Variants in EPHA6 observed in about 807,000 individuals in gnomAD.
EPHA6 encodes ephrin type-A receptor 6.
In EPHA6, 50 loss-of-function variants were observed where a neutral mutation model predicts 112.0. That is an observed-to-expected ratio of 0.45 (90% confidence interval 0.36 to 0.56). EPHA6 has a LOEUF of 0.56. Among genes scored for constraint, EPHA6 ranks in the 20% least tolerant of loss-of-function variants. The pLI is 0.00. For missense variants in EPHA6, 1,280 were observed against 1,417.4 expected (o/e 0.90, Z 1.56); for synonymous variants, 529 against 490.7 (o/e 1.08, Z -1.03).
intron 13 of EPHA6, among the ~76,000 whole-genome samples, chr3:97,621,691 A>G (rs1022703297): frequency 6.6e-6 from 1 of 151,876 alleles, no homozygotes; most frequent in Non-Finnish European, 1.5e-5. Flanking sequence ...GGAAGGAGAG[A>G]AAAACATGAA....
intron 1 of EPHA6, among the ~76,000 whole-genome samples, chr3:96,828,233 C>A (rs1350552054): frequency 2.6e-5 from 4 of 152,088 alleles, no homozygotes; most frequent in Non-Finnish European, 5.9e-5. Flanking sequence ...TCCTTTTAGG[C>A]TGTTCAGAAC....
intron 1 of EPHA6, among the ~76,000 whole-genome samples, chr3:96,852,000 A>G (rs2035418946): frequency 6.6e-6 from 1 of 151,652 alleles, no homozygotes; most frequent in South Asian, 2.1e-4. Flanking sequence ...AATACAGTAC[A>G]TATTTGCAAA....
intron 5 of EPHA6, among the ~76,000 whole-genome samples, chr3:97,320,444 C>G (rs2108780345): frequency 6.6e-6 from 1 of 151,786 alleles, no homozygotes; most frequent in South Asian, 2.1e-4. Context: ...AACCTCATGG[C>G]AAATCTTTTC....
At chr3:97,230,321 G>A (rs2078488280) in intron 4 of EPHA6, among the ~76,000 whole-genome samples, 1 of 151,910 alleles carries the variant, frequency 6.6e-6, no homozygotes, top group Admixed American at 6.6e-5. Context: ...AATAAATATG[G>A]GCTACAACAA....
chr3:96,944,687 C>A (rs1381676190), intron 2 of EPHA6, among the ~76,000 whole-genome samples: 1 of 152,144 alleles, frequency 6.6e-6, no homozygotes, highest in Non-Finnish European at 1.5e-5. Context: ...TATTACCTAT[C>A]TTTCTAGGTT....
intron 15 of EPHA6, among the ~76,000 whole-genome samples, chr3:97,728,768 G>A (rs2034896834): frequency 6.6e-6 from 1 of 152,162 alleles, no homozygotes. Context: ...CTTCAGTGCG[G>A]TTTCAGGCAA....
At chr3:97,608,706 GGAA>G (rs2093697152) in intron 12 of EPHA6, among the ~76,000 whole-genome samples, 1 of 151,152 alleles carries the variant, frequency 6.6e-6, no homozygotes, top group African/African-American at 2.4e-5. Flanking sequence ...CAAAAGTAAA[GGAA>G]GAAGGAGACA....
chr3:97,465,457 G>T (rs1436835697), intron 7 of EPHA6, among the ~76,000 whole-genome samples: 1 of 151,990 alleles, frequency 6.6e-6, no homozygotes, highest in Non-Finnish European at 1.5e-5. Flanking sequence ...AATTGATGGA[G>T]CCATAGTTTT....
At position 97,070,068 on chromosome 3, in the gene EPHA6, G is replaced by A. The variant is rs113135725; in HGVS notation, c.1114+82075G>A. Among the ~76,000 whole-genome samples, 1,254 of 152,114 alleles carry A rather than the reference G, an allele frequency of 8.2e-3. 13 individuals carry two copies. The highest frequency in any genetic ancestry group is 0.013 in the Non-Finnish European group (854 of 67,966). On this transcript the variant is annotated intron_variant, in intron 3 of 17. Coordinates refer to ENST00000389672, the MANE Select transcript of EPHA6 (RefSeq NM_001080448.3). ...TTGTCATTCTTATCTCAGAGCACATGTCAGGAAAAGCTTCCTCGATGCTCT... is the reference window on the plus strand; with the variant it reads ...TTGTCATTCTTATCTCAGAGCACATATCAGGAAAAGCTTCCTCGATGCTCT...
intron 13 of EPHA6, among the ~76,000 whole-genome samples, chr3:97,624,344 G>A (rs1026900475): frequency 1.3e-5 from 2 of 151,542 alleles, no homozygotes; most frequent in African/African-American, 4.8e-5. Context: ...GTGTTACATT[G>A]ACTGACTTTC....
At chr3:97,662,847 C>A (rs1009516244) in intron 14 of EPHA6, among the ~76,000 whole-genome samples, 1 of 152,160 alleles carries the variant, frequency 6.6e-6, no homozygotes, top group African/African-American at 2.4e-5. Context: ...TTTCATATCT[C>A]TTTACCATTT....
At chr3:97,103,354 G>A (rs993262175) in intron 3 of EPHA6, among the ~76,000 whole-genome samples, 1 of 151,816 alleles carries the variant, frequency 6.6e-6, no homozygotes, top group Non-Finnish European at 1.5e-5. Context: ...GCAATCTTAT[G>A]CCTATGGCTA....
At position 97,060,654 on chromosome 3, in the gene EPHA6, G is replaced by A. The variant is rs557888608; in HGVS notation, c.1114+72661G>A. Among the ~76,000 whole-genome samples, 79 of 152,190 alleles carry A rather than the reference G, an allele frequency of 5.2e-4. 1 individual carries two copies. The highest frequency in any genetic ancestry group is 1.9e-3 in the African/African-American group (78 of 41,526). On this transcript the variant is annotated intron_variant, in intron 3 of 17. Coordinates refer to ENST00000389672, the MANE Select transcript of EPHA6 (RefSeq NM_001080448.3). Reference sequence around the variant, plus strand: ...CGGCCGGGCGCGGTGGCTCACGCCTGTAATCCCAGCACTTTGGGAGGCCGA... The same window carrying A: ...CGGCCGGGCGCGGTGGCTCACGCCTATAATCCCAGCACTTTGGGAGGCCGA...
intron 11 of EPHA6, among the ~76,000 whole-genome samples, chr3:97,536,053 A>T (rs2092759406): frequency 6.6e-6 from 1 of 152,194 alleles, no homozygotes; most frequent in South Asian, 2.1e-4. Context: ...TTAAGATACA[A>T]GTGATATAAA....
At chr3:96,932,313 A>G (rs2040366278) in intron 2 of EPHA6, among the ~76,000 whole-genome samples, 1 of 152,134 alleles carries the variant, frequency 6.6e-6, no homozygotes, top group Non-Finnish European at 1.5e-5. Context: ...TGGCCCCTCC[A>G]TGCAATTCAT....
chr3:96,904,642 G>A (rs1300904460), intron 2 of EPHA6, among the ~76,000 whole-genome samples: 1 of 151,416 alleles, frequency 6.6e-6, no homozygotes, highest in African/African-American at 2.4e-5. Flanking sequence ...AAATGTTTTT[G>A]TTGAAGTTTA....
rs894247390 is a variant in EPHA6 at position 96,931,001 on chromosome 3, A to G, written c.451-56329A>G. 2.5e-4 allele frequency among the ~76,000 whole-genome samples: 36 copies of G among 141,270 alleles called. No homozygotes were observed. In the East Asian group the frequency reaches 5.1e-3, roughly 20 times the overall value. 92.7% of individuals were successfully genotyped at this position (141,270 alleles called of 152,430 possible). On this transcript the variant is annotated intron_variant, in intron 2 of 17. Transcript: ENST00000389672. ...AGTGAGACTCTGTCTCCAAAAAAAA[A>G]AAAAAAAAAAAAAAAAAAAAGAAAA...
chr3:97,428,148 A>G (rs2089278088), intron 6 of EPHA6, among the ~76,000 whole-genome samples: 1 of 152,196 alleles, frequency 6.6e-6, no homozygotes, highest in Non-Finnish European at 1.5e-5. Context: ...TAGAAATATA[A>G]TTTAGTCCCA....
Position 97,761,221 on chromosome 3 carries a change from T to G in EPHA6, c.*12520T>G, listed in dbSNP as rs1459099171. 5.1e-6 allele frequency: 1 copy of G among 197,468 alleles called. No homozygotes were observed. Among genetic ancestry groups the G allele is most frequent in the Admixed American group, 6.0e-5 (1 of 16,550 alleles). 12.2% of individuals were successfully genotyped at this position (197,468 alleles called of 1,614,324 possible). On this transcript the variant is annotated 3_prime_UTR_variant, in exon 18 of 18. Coordinates refer to ENST00000389672, the MANE Select transcript of EPHA6 (RefSeq NM_001080448.3). Reference sequence around the variant, plus strand: ...AAAAATCTACTATAATATTAATAACTTTCCATGTAAATTTTCATGTGCTGG... The same window carrying G: ...AAAAATCTACTATAATATTAATAACGTTCCATGTAAATTTTCATGTGCTGG...
Sources: gnomAD v4.1 joint callset for allele counts (sites outside exome capture counted in the v4.1 genomes callset) on GRCh38, gnomAD v4.1.1 for gene constraint, MANE v1.5 for transcripts, NCBI Gene and HGNC (gene_info 2026-07-23, HGNC 2026-07-21) for gene names.